The following BBS9 variants were observed in gnomAD, a reference collection of about 807,000 sequenced individuals.
BBS9 encodes the protein Bardet-Biedl syndrome 9, also known as protein PTHB1.
A neutral mutation model predicts 117.7 loss-of-function variants in BBS9; 89 were observed. The ratio of observed to expected loss-of-function variants is 0.76; its 90% CI spans 0.64 to 0.90. The LOEUF (loss-of-function observed/expected upper bound fraction) is 0.90. Among genes scored for constraint, BBS9 ranks in the 40% least tolerant of loss-of-function variants. The pLI is 0.00. For synonymous variants in BBS9, 379 were observed against 370.9 expected, an observed-to-expected ratio of 1.02 and a Z score of -0.25; for missense variants, 982 against 1,042.2, an observed-to-expected ratio of 0.94 and a Z score of 0.80.
intron 19 of BBS9, among the ~76,000 whole-genome samples, chr7:33,465,891 G>A (rs941719112): frequency 6.6e-6 from 1 of 151,858 alleles, no homozygotes; most frequent in African/African-American, 2.4e-5. Context: ...GCAATAAAAA[G>A]GATTTCATTT....
chr7:33,266,862 C>A (rs1035672126), intron 7 of BBS9, among the ~76,000 whole-genome samples: 1 of 152,130 alleles, frequency 6.6e-6, no homozygotes, highest in Non-Finnish European at 1.5e-5. Context: ...CCTGCCTCAG[C>A]CTCCTGAGTA....
Position 33,260,459 on chromosome 7 carries a change from T to C in BBS9, c.617+3049T>C, listed in dbSNP as rs140594463. ...GATATATTACTGCCTAAAACACTGA[T>C]TTTTGGCTAATGTCATGTATTGCCT... On this transcript the variant is annotated intron_variant, in intron 6 of 22. Transcript: ENST00000242067. 2.5e-3 allele frequency among the ~76,000 whole-genome samples: 388 copies of C among 152,296 alleles called. 3 individuals are homozygous for C. The highest frequency in any genetic ancestry group is 8.9e-3 in the African/African-American group (369 of 41,564).
At chr7:33,452,574 A>T (rs1838049097) in intron 19 of BBS9, among the ~76,000 whole-genome samples, 1 of 152,230 alleles carries the variant, frequency 6.6e-6, no homozygotes, top group Admixed American at 6.5e-5. Flanking sequence ...ATATTAAATA[A>T]GGTAATGGAC....
intron 5 of BBS9, among the ~76,000 whole-genome samples, chr7:33,178,809 A>G (rs1223916847): frequency 6.6e-6 from 1 of 152,114 alleles, no homozygotes; most frequent in Non-Finnish European, 1.5e-5. Context: ...ATACAGATAA[A>G]GACAAGGAAT....
chr7:33,572,695 G>A (rs912004048), intron 21 of BBS9, among the ~76,000 whole-genome samples: 2 of 152,160 alleles, frequency 1.3e-5, no homozygotes, highest in Non-Finnish European at 2.9e-5. Flanking sequence ...GATGATTAGC[G>A]ATGTTGAGCA....
intron 21 of BBS9, among the ~76,000 whole-genome samples, chr7:33,581,881 T>C (rs1166882740): frequency 6.6e-6 from 1 of 152,216 alleles, no homozygotes; most frequent in Non-Finnish European, 1.5e-5. Flanking sequence ...AATTCCTTAA[T>C]AGACTAATGT....
intron 6 of BBS9, among the ~76,000 whole-genome samples, chr7:33,261,066 C>T (rs1423964714): frequency 5.5e-5 from 8 of 145,534 alleles, no homozygotes; most frequent in South Asian, 2.2e-4. Context: ...TCTCTCTCTC[C>T]TTTTTTTTTT....
At chr7:33,383,215 A>G (rs1825397782) in intron 17 of BBS9, among the ~76,000 whole-genome samples, 1 of 152,240 alleles carries the variant, frequency 6.6e-6, no homozygotes, top group Non-Finnish European at 1.5e-5. Flanking sequence ...AGCTTTGATC[A>G]TGATTACAGT....
intron 5 of BBS9, among the ~76,000 whole-genome samples, chr7:33,181,617 G>A (rs1798109870): frequency 6.6e-6 from 1 of 152,024 alleles, no homozygotes; most frequent in Admixed American, 6.5e-5. Context: ...GCAGATCAGT[G>A]CTCTAAGAAA....
At chr7:33,395,449 A>T (rs1388260365) in intron 19 of BBS9, among the ~76,000 whole-genome samples, 1 of 152,192 alleles carries the variant, frequency 6.6e-6, no homozygotes, top group Non-Finnish European at 1.5e-5. Context: ...TTATGTTTTG[A>T]TGCTATTACA....
chr7:33,389,976 C>T (rs11760447), intron 19 of BBS9, among the ~76,000 whole-genome samples: 7,755 of 152,168 alleles, frequency 0.051, 322 homozygotes, highest in East Asian at 0.18. Context: ...CTGCCAATTT[C>T]GTGTGTGTGT....
At chr7:33,263,128 T>C (rs1798240108) in intron 6 of BBS9, among the ~76,000 whole-genome samples, 1 of 152,332 alleles carries the variant, frequency 6.6e-6, no homozygotes, top group African/African-American at 2.4e-5. Context: ...TTTTATAAGC[T>C]ATTGTTAAGT....
intron 4 of BBS9, among the ~76,000 whole-genome samples, chr7:33,171,833 C>T (rs1008015468): frequency 1.3e-5 from 2 of 151,912 alleles, no homozygotes; most frequent in African/African-American, 4.8e-5. Flanking sequence ...GACACAGGTA[C>T]CCTCCTTAAT....
intron 19 of BBS9, among the ~76,000 whole-genome samples, chr7:33,409,338 A>T: frequency 6.6e-6 from 1 of 152,156 alleles, no homozygotes. Flanking sequence ...TTATTACATG[A>T]TGATAGGTAG....
At position 33,482,785 on chromosome 7, in the gene BBS9, G is replaced by C. The variant is rs528257960; in HGVS notation, c.2116-22678G>C. ...GATTGGTGCTTCAGTGATTTTCAGA[G>C]GAAAGGTCCTCCTGTTGTTCTGGCC... On this transcript the variant is annotated intron_variant, in intron 19 of 22. Transcript: ENST00000242067. Among the ~76,000 whole-genome samples the C allele has an allele frequency of 5.9e-5, 9 of 152,242 alleles. 1 individual carries two copies. In the South Asian group the frequency reaches 1.9e-3, roughly 32 times the overall value.
intron 19 of BBS9, among the ~76,000 whole-genome samples, chr7:33,414,917 C>CTAGGG (rs1481083890): frequency 6.6e-6 from 1 of 152,088 alleles, no homozygotes; most frequent in African/African-American, 2.4e-5. Flanking sequence ...ATTATAATAA[C>CTAGGG]TAGGGTAGTG....
At chr7:33,612,344 A>T (rs1042529337) in intron 21 of BBS9, among the ~76,000 whole-genome samples, 2 of 152,100 alleles carry the variant, frequency 1.3e-5, no homozygotes, top group Admixed American at 1.3e-4. Context: ...GGATGGATAG[A>T]GGATGAGAGT....
intron 21 of BBS9, among the ~76,000 whole-genome samples, chr7:33,574,067 T>C (rs887794912): frequency 6.6e-6 from 1 of 152,180 alleles, no homozygotes; most frequent in African/African-American, 2.4e-5. Context: ...CAGGCTTACC[T>C]GATATCACAT....
intron 5 of BBS9, among the ~76,000 whole-genome samples, chr7:33,257,026 TAGTAGA>T (rs1797184744): frequency 6.6e-6 from 1 of 152,182 alleles, no homozygotes; most frequent in Non-Finnish European, 1.5e-5. Context: ...GGTAGACTAA[TAGTAGA>T]AGACACCTCA....
Sources: allele counts gnomAD v4.1 joint callset (sites outside exome capture counted in the v4.1 genomes callset), GRCh38; gene constraint gnomAD v4.1.1; transcripts MANE v1.5; gene names NCBI Gene and HGNC (gene_info 2026-07-23, HGNC 2026-07-21).